SGCZ: variants seen among roughly 807,000 people sequenced by gnomAD.
SGCZ encodes sarcoglycan zeta, also known as zeta-sarcoglycan.
SGCZ carries 40 observed loss-of-function variants against 41.3 expected under a neutral mutation model. The ratio of observed to expected loss-of-function variants is 0.97; its 90% confidence interval spans 0.75 to 1.26. The LOEUF is 1.26. Ranked by LOEUF, SGCZ falls within the 50% of genes most tolerant of loss-of-function variation. The pLI is 0.00. For missense variants in SGCZ, 552 were observed against 369.8 expected (o/e 1.49, Z -4.04); for synonymous variants, 206 against 137.5 (o/e 1.50, Z -3.49).
intron 3 of SGCZ, among the ~76,000 whole-genome samples, chr8:14,311,051 T>C (rs1801525421): frequency 6.6e-6 from 1 of 152,188 alleles, no homozygotes; most frequent in African/African-American, 2.4e-5. Flanking sequence ...CACAGCTTCC[T>C]GGACAAACGA....
intron 2 of SGCZ, among the ~76,000 whole-genome samples, chr8:14,465,063 G>C (rs1199672720): frequency 6.6e-6 from 1 of 151,592 alleles, no homozygotes; most frequent in East Asian, 1.9e-4. Context: ...CTTTTGTTCA[G>C]TAGAGTGTTC....
chr8:14,598,284 T>A (rs1805478254), intron 1 of SGCZ, among the ~76,000 whole-genome samples: 1 of 152,168 alleles, frequency 6.6e-6, no homozygotes, highest in Middle Eastern at 3.4e-3. Flanking sequence ...TCTAATTATA[T>A]TTGAATTTAA....
chr8:14,928,483 G>C (rs1244720540), intron 1 of SGCZ, among the ~76,000 whole-genome samples: 1 of 152,150 alleles, frequency 6.6e-6, no homozygotes, highest in Non-Finnish European at 1.5e-5. Context: ...CACCAGAATA[G>C]AGGAAATACA....
At chr8:14,607,952 A>G (rs1805805699) in intron 1 of SGCZ, among the ~76,000 whole-genome samples, 1 of 152,212 alleles carries the variant, frequency 6.6e-6, no homozygotes, top group African/African-American at 2.4e-5. Context: ...TACTGCTGTA[A>G]AAGACAAAAA....
intron 1 of SGCZ, among the ~76,000 whole-genome samples, chr8:14,784,331 C>A (rs556760183): frequency 6.6e-6 from 1 of 151,924 alleles, no homozygotes; most frequent in African/African-American, 2.4e-5. Flanking sequence ...GGATTACAGA[C>A]GTAAGCCACC....
intron 1 of SGCZ, among the ~76,000 whole-genome samples, chr8:14,648,048 A>G (rs1221753922): frequency 2.0e-5 from 3 of 151,964 alleles, no homozygotes; most frequent in Non-Finnish European, 4.4e-5. Flanking sequence ...TGACTTTGAA[A>G]ATGGCTTGGC....
chr8:14,847,126 A>AAGAAAGAAGAAG (rs761276429), intron 1 of SGCZ, among the ~76,000 whole-genome samples: 5 of 126,362 alleles, frequency 4.0e-5, no homozygotes, highest in Non-Finnish European at 6.6e-5. Context: ...GAAGAAGAAG[A>AAGAAAGAAGAAG]AAGAAGAAGA....
At chr8:14,682,017 A>C (rs906802522) in intron 1 of SGCZ, among the ~76,000 whole-genome samples, 4 of 152,180 alleles carry the variant, frequency 2.6e-5, no homozygotes, top group Non-Finnish European at 5.9e-5. Context: ...AAGCACAGAG[A>C]AAAATAACAT....
intron 1 of SGCZ, among the ~76,000 whole-genome samples, chr8:14,770,437 TG>T (rs1361080611): frequency 6.6e-6 from 1 of 151,390 alleles, no homozygotes; most frequent in East Asian, 1.9e-4. Flanking sequence ...TATTTGGGGG[TG>T]GGGGTAAGGA....
chr8:14,476,217 A>G (rs1488972334), intron 2 of SGCZ, among the ~76,000 whole-genome samples: 2 of 152,112 alleles, frequency 1.3e-5, no homozygotes, highest in African/African-American at 4.8e-5. Context: ...GTAGTCAAGA[A>G]TCAGGAGTAA....
At chr8:14,092,937 C>A (rs1801733720) in intron 7 of SGCZ, among the ~76,000 whole-genome samples, 1 of 151,962 alleles carries the variant, frequency 6.6e-6, no homozygotes, top group Non-Finnish European at 1.5e-5. Context: ...TGTTCAATAC[C>A]TACTTTGCTA....
At chr8:14,697,950 C>T (rs1179080021) in intron 1 of SGCZ, among the ~76,000 whole-genome samples, 2 of 151,976 alleles carry the variant, frequency 1.3e-5, no homozygotes, top group African/African-American at 2.4e-5. Context: ...ACATTTCAAA[C>T]ATATGTTTCA....
At chr8:14,512,705 T>A (rs755429956) in intron 2 of SGCZ, among the ~76,000 whole-genome samples, 8 of 151,722 alleles carry the variant, frequency 5.3e-5, no homozygotes, top group Non-Finnish European at 1.2e-4. Flanking sequence ...TCTCAAGTAA[T>A]CCTCATGCTT....
In SGCZ at chr8:14,759,760, T is replaced by C. The variant is rs113309463; in HGVS notation, c.40-204834A>G. On this transcript the variant is annotated intron_variant, in intron 1 of 7. Transcript: ENST00000382080. ...CTTTGGAAGTGTGTTCAGCTCTCCT[T>C]GATAAAGGACACCACAATATTTAAA... is the stretch of plus-strand genomic sequence containing the variant. Among the ~76,000 whole-genome samples, 553 of 152,222 alleles carry C rather than the reference T, an allele frequency of 3.6e-3. 4 individuals are homozygous for C. Among genetic ancestry groups the C allele is most frequent in the African/African-American group, 0.013 (529 of 41,526 alleles).
intron 2 of SGCZ, among the ~76,000 whole-genome samples, chr8:14,441,119 T>C (rs947009765): frequency 1.3e-5 from 2 of 152,178 alleles, no homozygotes; most frequent in African/African-American, 4.8e-5. Flanking sequence ...ACTCCAAGAT[T>C]TTCTTCCAAT....
chr8:14,395,881 A>G (rs550182838), intron 2 of SGCZ, among the ~76,000 whole-genome samples: 1 of 152,194 alleles, frequency 6.6e-6, no homozygotes, highest in Non-Finnish European at 1.5e-5. Context: ...TACTGCAAAA[A>G]GTATCTGTTC....
chr8:14,274,333 G>A (rs536794156), intron 3 of SGCZ, among the ~76,000 whole-genome samples: 1 of 152,062 alleles, frequency 6.6e-6, no homozygotes, highest in African/African-American at 2.4e-5. Context: ...CACTGTTAAG[G>A]TTTATTATTA....
intron 1 of SGCZ, among the ~76,000 whole-genome samples, chr8:14,802,398 G>C (rs1192505652): frequency 6.6e-6 from 1 of 152,178 alleles, no homozygotes; most frequent in Non-Finnish European, 1.5e-5. Context: ...GCATTTTGGT[G>C]ACATTACACT....
chr8:14,377,610 T>C (rs1804182159), intron 2 of SGCZ, among the ~76,000 whole-genome samples: 1 of 152,024 alleles, frequency 6.6e-6, no homozygotes, highest in African/African-American at 2.4e-5. Context: ...ACATGTGCCA[T>C]GCTGGTGTGC....
Sources: gnomAD v4.1 joint callset for allele counts (sites outside exome capture counted in the v4.1 genomes callset) on GRCh38, gnomAD v4.1.1 for gene constraint, MANE v1.5 for transcripts, NCBI Gene and HGNC (gene_info 2026-07-23, HGNC 2026-07-21) for gene names.